Variants in SDF2 observed in about 807,000 individuals in gnomAD.
SDF2 encodes the protein stromal cell-derived factor 2.
A neutral mutation model predicts 20.5 loss-of-function variants in SDF2; 12 were observed. The observed-to-expected ratio is 0.58, with a 90% confidence interval of 0.37 to 0.95. The LOEUF (loss-of-function observed/expected upper bound fraction) is 0.95. Ranked by LOEUF, SDF2 falls within the 40% of genes least tolerant of loss-of-function variation. The pLI is 0.01. For missense variants in SDF2, 238 were observed against 263.1 expected (o/e 0.90, Z 0.66); for synonymous variants, 100 against 101.0 (o/e 0.99, Z 0.06).
At chr17:28,656,737 C>T (rs1247987252) in intron 1 of SDF2, among the ~76,000 whole-genome samples, 1 of 152,178 alleles carries the variant, frequency 6.6e-6, no homozygotes, top group African/African-American at 2.4e-5. Context: ...GAGGCACAGG[C>T]AGTGGTAACC....
At chr17:28,660,203 C>T (rs1005387782) in intron 1 of SDF2, among the ~76,000 whole-genome samples, 1 of 152,216 alleles carries the variant, frequency 6.6e-6, no homozygotes. Flanking sequence ...CACGGCAGTA[C>T]AGTCCAGCCT....
intron 1 of SDF2, 29 bp from the exon 2 acceptor site, chr17:28,655,512 CTT>C: frequency 1.3e-6 from 2 of 1,549,424 alleles, no homozygotes; most frequent in Non-Finnish European, 8.7e-7. Flanking sequence ...AGGCAACTCT[CTT>C]TCTCTGCCAT....
chr17:28,653,010 G>A (rs1178488461), intron 2 of SDF2, among the ~76,000 whole-genome samples: 1 of 151,994 alleles, frequency 6.6e-6, no homozygotes, highest in Non-Finnish European at 1.5e-5. Flanking sequence ...AATAAATTGG[G>A]GAAAAGAGAC....
chr17:28,651,739 TC>T (rs1435902480), intron 2 of SDF2, among the ~76,000 whole-genome samples: 1 of 152,242 alleles, frequency 6.6e-6, no homozygotes, highest in Non-Finnish European at 1.5e-5. Context: ...ATATTCAGTT[TC>T]TATACGATGG....
At chr17:28,655,222 A>C (rs1018581210) in intron 2 of SDF2, 65 bp downstream of exon 2, 1 of 1,457,470 alleles carries the variant, frequency 6.9e-7, no homozygotes, top group Non-Finnish European at 9.6e-7. Context: ...TTTAAGAACC[A>C]AGAGATCAAA....
intron 2 of SDF2, among the ~76,000 whole-genome samples, chr17:28,654,580 C>G (rs1292189679): frequency 2.6e-5 from 4 of 152,110 alleles, no homozygotes; most frequent in African/African-American, 4.8e-5. Flanking sequence ...TTCCAGGAGG[C>G]AGAGGCGGGT....
chr17:28,649,425 G>C, intron 2 of SDF2, 149 bp from the exon 3 acceptor site: 1 of 708,184 alleles, frequency 1.4e-6, no homozygotes, highest in Non-Finnish European at 2.3e-6. Context: ...TTGGGAAGCT[G>C]AGCAGGGCAG....
At chr17:28,661,671 C>T in intron 1 of SDF2, 55 bp downstream of exon 1, 1 of 1,572,974 alleles carries the variant, frequency 6.4e-7, no homozygotes, top group Admixed American at 1.7e-5. Flanking sequence ...AGGCCCCGCC[C>T]CTCCAGAGCC....
At chr17:28,660,786 C>T (rs1024088789) in intron 1 of SDF2, 2 of 161,526 alleles carry the variant, frequency 1.2e-5, no homozygotes, top group South Asian at 2.9e-4. Context: ...ACTCTTTCCT[C>T]CCTCAGCAAA....
At chr17:28,649,347 A>C in intron 2 of SDF2, 71 bp from the exon 3 acceptor site, 2 of 1,437,318 alleles carry the variant, frequency 1.4e-6, no homozygotes, top group Non-Finnish European at 1.9e-6. Context: ...AGGCAATGGG[A>C]AGAAAAAGAA....
At chr17:28,660,987 T>C (rs1039547312) in intron 1 of SDF2, 2 of 272,436 alleles carry the variant, frequency 7.3e-6, no homozygotes, top group African/African-American at 4.5e-5. Context: ...ATCTCCTGTA[T>C]GTAGTACAAT....
chr17:28,661,804 T>C lies in SDF2; in HGVS notation c.73A>G (p.Thr25Ala). 1 of 1,614,014 alleles carries C rather than the reference T, an allele frequency of 6.2e-7. No homozygotes were observed. The highest frequency in any genetic ancestry group is 8.5e-7 in the Non-Finnish European group (1 of 1,180,002). Residue 25 changes from threonine (T) to alanine (A), a missense_variant, in exon 1 of 3, where the codon ACT (threonine) becomes GCT (alanine). Coordinates refer to ENST00000247020, the MANE Select transcript of SDF2 (RefSeq NM_006923.4). ...AVGASSLGVV[T>A]CGSVVKLLNT... ...AGTAGCTTCACCACGGAGCCGCAAG[T>C]AACGACACCCAGGCTGGACGCTCCC... is the stretch of plus-strand genomic sequence containing the variant.
In SDF2 at chr17:28,648,586, G is replaced by A. The variant is rs968263911; in HGVS notation, c.*403C>T. ...CACACCTAATAAATAACAACACAGT[G>A]ACTCATAATAAAATTATTGTTTTTA... On this transcript the variant is annotated 3_prime_UTR_variant, in exon 3 of 3. Coordinates refer to ENST00000247020, the MANE Select transcript of SDF2 (RefSeq NM_006923.4). 3.3e-5 allele frequency: 7 copies of A among 212,616 alleles called. No homozygotes were observed. Among genetic ancestry groups the A allele is most frequent in the Non-Finnish European group, 6.7e-5 (7 of 104,654 alleles). The allele number at this position is 212,616 out of a possible 1,614,324, so 13.2% of individuals were successfully genotyped here.
At position 28,655,353 on chromosome 17, in the gene SDF2, C is replaced by G. The variant is rs376355455; in HGVS notation, c.282G>C (p.Leu94=). The G allele has an allele frequency of 5.5e-5, 89 of 1,614,232 alleles. No individual in the cohort carries two copies. Among genetic ancestry groups the G allele is most frequent in the Non-Finnish European group, 7.4e-5 (87 of 1,180,044 alleles). Residue 94 remains leucine, a synonymous_variant, in exon 2 of 3, where the codon CTG becomes CTC. Transcript: ENST00000247020. ...GGTTTCGGCCAGTGTTGACATGTGT[C>G]AGCCGGATGGGCTGGCCACACTTGA... is the stretch of plus-strand genomic sequence containing the variant. The part of the protein sequence containing the change: ...TPIKCGQPIR[L]THVNTGRNLH...
At chr17:28,652,193 A>T (rs2071919908) in intron 2 of SDF2, among the ~76,000 whole-genome samples, 1 of 152,040 alleles carries the variant, frequency 6.6e-6, no homozygotes, top group Admixed American at 6.5e-5. Context: ...AAAAAAAAAG[A>T]AAAAGAAAAA....
At chr17:28,652,970 T>C (rs2071927616) in intron 2 of SDF2, among the ~76,000 whole-genome samples, 1 of 152,150 alleles carries the variant, frequency 6.6e-6, no homozygotes, top group Non-Finnish European at 1.5e-5. Context: ...TATCCATAAG[T>C]TTATACTAAT....
At chr17:28,655,693 C>G in intron 1 of SDF2, 1 of 604,264 alleles carries the variant, frequency 1.7e-6, no homozygotes. Context: ...CAGGTGGAAC[C>G]TGCAAAGCTG....
At chr17:28,649,548 G>A (rs528476634) in intron 2 of SDF2, among the ~76,000 whole-genome samples, 58 of 151,766 alleles carry the variant, frequency 3.8e-4, no homozygotes, top group Non-Finnish European at 7.8e-4. Flanking sequence ...CAGCCTGACC[G>A]ACATGGAGAA....
At chr17:28,657,798 G>C (rs769513636) in intron 1 of SDF2, 5 of 152,214 alleles carry the variant, frequency 3.3e-5, no homozygotes, top group Non-Finnish European at 5.9e-5. Context: ...CAGATCGCTT[G>C]AGCCCAGGAA....
Sources: gnomAD v4.1 joint callset for allele counts (sites outside exome capture counted in the v4.1 genomes callset) on GRCh38, gnomAD v4.1.1 for gene constraint, MANE v1.5 for transcripts, NCBI Gene and HGNC (gene_info 2026-07-23, HGNC 2026-07-21) for gene names.